EIPR1: variants seen among roughly 807,000 people sequenced by gnomAD.
The protein encoded by EIPR1 is EARP and GARP complex-interacting protein 1.
A neutral mutation model predicts 48.1 loss-of-function variants in EIPR1; 25 were observed. That is an observed-to-expected ratio of 0.52 (90% CI 0.38 to 0.73). The LOEUF (loss-of-function observed/expected upper bound fraction) is 0.73, where lower values mean the gene tolerates loss of function less well. Ranked by LOEUF, EIPR1 falls within the 30% of genes least tolerant of loss-of-function variation. The probability of loss-of-function intolerance (pLI) is 0.00; values close to 1 mark genes in which losing one functional copy is unlikely to be tolerated. For synonymous variants in EIPR1, 204 were observed against 201.9 expected (o/e 1.01, Z -0.09); for missense variants, 415 against 506.2 (o/e 0.82, Z 1.73).
intron 3 of EIPR1, among the ~76,000 whole-genome samples, chr2:3,283,944 T>TAAAAAAAAAAAAAAAA (rs59593196): frequency 2.2e-5 from 2 of 92,820 alleles, no homozygotes; most frequent in Non-Finnish European, 4.2e-5. Context: ...AGACTACATC[T>TAAAAAAAAAAAAAAAA]AAAAAAAAAA....
intron 3 of EIPR1, among the ~76,000 whole-genome samples, chr2:3,313,794 A>C (rs913814444): frequency 6.6e-6 from 1 of 152,202 alleles, no homozygotes; most frequent in Non-Finnish European, 1.5e-5. Context: ...GAGAAACTCA[A>C]GGCCCAAGCT....
At chr2:3,215,370 A>AGCT (rs1665595885) in intron 4 of EIPR1, among the ~76,000 whole-genome samples, 1 of 152,204 alleles carries the variant, frequency 6.6e-6, no homozygotes, top group African/African-American at 2.4e-5. Context: ...AGGGCAGAGG[A>AGCT]GCTGCCACCG....
chr2:3,301,463 C>G (rs1219560531), intron 3 of EIPR1: 2 of 151,902 alleles, frequency 1.3e-5, no homozygotes, highest in African/African-American at 4.8e-5. Context: ...CTGTGCCTGC[C>G]AGGGGACAGC....
intron 3 of EIPR1, among the ~76,000 whole-genome samples, chr2:3,329,788 C>T (rs908587774): frequency 1.3e-5 from 2 of 150,906 alleles, no homozygotes; most frequent in African/African-American, 4.9e-5. Context: ...CATCAGAGTC[C>T]ACCCACCATG....
intron 4 of EIPR1, among the ~76,000 whole-genome samples, chr2:3,241,171 A>ATAGC (rs1666612911): frequency 6.6e-6 from 1 of 152,246 alleles, no homozygotes; most frequent in Non-Finnish European, 1.5e-5. Flanking sequence ...TTCCTCAAGA[A>ATAGC]CAGCGAGCAG....
chr2:3,324,771 C>CG (rs1375984883), intron 3 of EIPR1, among the ~76,000 whole-genome samples: 5 of 152,204 alleles, frequency 3.3e-5, no homozygotes, highest in South Asian at 2.1e-4. Context: ...CCGGTCACGC[C>CG]GGGGGGAGTG....
intron 4 of EIPR1, 113 bp downstream of exon 4, chr2:3,257,178 TTAAAAGAA>T: frequency 1.7e-6 from 2 of 1,153,636 alleles, no homozygotes; most frequent in Non-Finnish European, 2.3e-6. Flanking sequence ...TCGCAGCTTT[TTAAAAGAA>T]AGGAGCGTTT....
At chr2:3,194,677 T>C (rs865858720) in intron 6 of EIPR1, among the ~76,000 whole-genome samples, 3 of 129,056 alleles carry the variant, frequency 2.3e-5, no homozygotes, top group East Asian at 2.1e-4. Flanking sequence ...GAACTATATA[T>C]ATACAGAGAG....
intron 3 of EIPR1, among the ~76,000 whole-genome samples, chr2:3,276,724 G>T (rs969088236): frequency 6.6e-6 from 1 of 152,206 alleles, no homozygotes; most frequent in African/African-American, 2.4e-5. Context: ...GTTTCCTCTA[G>T]ATCTACAGAT....
chr2:3,194,264 A>G, intron 6 of EIPR1, 98 bp from the exon 7 acceptor site: 1 of 1,478,208 alleles, frequency 6.8e-7, no homozygotes, highest in Non-Finnish European at 9.2e-7. Flanking sequence ...GACCCTGTCT[A>G]ATCCCCCGGC....
At chr2:3,200,912 G>A (rs1665010318) in intron 5 of EIPR1, among the ~76,000 whole-genome samples, 1 of 152,088 alleles carries the variant, frequency 6.6e-6, no homozygotes, top group Non-Finnish European at 1.5e-5. Context: ...GGGCAGGTCT[G>A]GGCTATGGGC....
In EIPR1 at chr2:3,339,150, C is replaced by A. The variant is rs369947050; in HGVS notation, c.127-1001G>T. Among the ~76,000 whole-genome samples the A allele has an allele frequency of 5.3e-5, 8 of 152,256 alleles. 1 individual carries two copies. Among genetic ancestry groups the A allele is most frequent in the African/African-American group, 1.7e-4 (7 of 41,540 alleles). ...AAGAGAATACACAAAAGAAACTGTA[C>A]GAATGCTACATCCTTTTGTTTTGTT... is the stretch of plus-strand genomic sequence containing the variant. On this transcript the variant is annotated intron_variant, in intron 2 of 8. Coordinates refer to ENST00000382125, the MANE Select transcript of EIPR1 (RefSeq NM_003310.5).
intron 3 of EIPR1, among the ~76,000 whole-genome samples, chr2:3,259,489 T>C (rs900578316): frequency 1.3e-5 from 2 of 152,230 alleles, no homozygotes; most frequent in Non-Finnish European, 2.9e-5. Flanking sequence ...AGATACAATG[T>C]TTAAGTGACC....
At chr2:3,274,665 T>C (rs62121488) in intron 3 of EIPR1, among the ~76,000 whole-genome samples, 2,318 of 151,320 alleles carry the variant, frequency 0.015, 24 homozygotes, top group Non-Finnish European at 0.023. Flanking sequence ...GCGAAATAAA[T>C]GGCAAAAATC....
At chr2:3,210,019 C>A (rs1572297033) in intron 5 of EIPR1, among the ~76,000 whole-genome samples, 2 of 152,112 alleles carry the variant, frequency 1.3e-5, no homozygotes, top group Admixed American at 6.5e-5. Context: ...CTAATGTCAA[C>A]GAGGGGCTCT....
chr2:3,273,180 C>G (rs1667748889), intron 3 of EIPR1, among the ~76,000 whole-genome samples: 1 of 152,162 alleles, frequency 6.6e-6, no homozygotes, highest in Non-Finnish European at 1.5e-5. Flanking sequence ...AGCAATACAG[C>G]TAATTCTGAA....
chr2:3,237,996 T>C (rs541264637), intron 4 of EIPR1, among the ~76,000 whole-genome samples: 68 of 152,262 alleles, frequency 4.5e-4, no homozygotes, highest in African/African-American at 1.5e-3. Flanking sequence ...ACCTTCCAAA[T>C]GTGCAAACAG....
intron 3 of EIPR1, among the ~76,000 whole-genome samples, chr2:3,266,621 C>T (rs1218163748): frequency 6.6e-6 from 1 of 152,170 alleles, no homozygotes; most frequent in Non-Finnish European, 1.5e-5. Context: ...CTCTGCTGGC[C>T]AGGAGGCAGC....
chr2:3,191,828 AG>A (rs1451372114), intron 8 of EIPR1, among the ~76,000 whole-genome samples: 1 of 152,218 alleles, frequency 6.6e-6, no homozygotes, highest in Non-Finnish European at 1.5e-5. Flanking sequence ...CATAGGAAAA[AG>A]CTTTGGGAAA....
Sources: allele counts gnomAD v4.1 joint callset (sites outside exome capture counted in the v4.1 genomes callset), GRCh38; gene constraint gnomAD v4.1.1; transcripts MANE v1.5; gene names NCBI Gene and HGNC (gene_info 2026-07-23, HGNC 2026-07-21).